The following SLC10A3 variants were observed in gnomAD, a reference collection of about 807,000 sequenced individuals.
SLC10A3 encodes the protein P3 protein.
In SLC10A3, 1 loss-of-function variant was observed where a neutral mutation model predicts 1.9. The observed-to-expected ratio is 0.52, with a 90% CI of 0.19 to 2.48. The LOEUF is 2.48. SLC10A3 is among the 30% of genes most tolerant of loss of function. The probability of loss-of-function intolerance (pLI) is 0.25; values close to 1 mark genes in which losing one functional copy is unlikely to be tolerated. For missense variants in SLC10A3, 317 were observed against 398.5 expected, an observed-to-expected ratio of 0.80 and a Z score of 1.74; for synonymous variants, 202 against 189.3, an observed-to-expected ratio of 1.07 and a Z score of -0.55.
At position 154,489,781 on chromosome X, in the gene SLC10A3, C is replaced by G. The variant is rs1254974713; in HGVS notation, c.-143+526G>C. ...CTAGAAGAGGACTGCCTCTATAGATCCTATCCGTCTTTGGCATTGGCCTCC... is the reference window on the plus strand; with the variant it reads ...CTAGAAGAGGACTGCCTCTATAGATGCTATCCGTCTTTGGCATTGGCCTCC... On this transcript the variant is annotated intron_variant, in intron 1 of 1. Transcript: ENST00000651600. 6 of 752,426 alleles carry G rather than the reference C, an allele frequency of 8.0e-6. No homozygotes were observed. The East Asian group carries it at 7.6e-4, about 95-fold the overall frequency. 62.0% of individuals were successfully genotyped at this position (752,426 alleles called of 1,213,427 possible).
chrX:154,489,103 G>A, intron 1 of SLC10A3, 21 bp from the exon 2 acceptor site: 1 of 1,162,764 alleles, frequency 8.6e-7, no homozygotes, highest in Non-Finnish European at 1.1e-6. Flanking sequence ...AAGGGACACA[G>A]AGAGGCAGCT....
At chrX:154,489,291 G>A in intron 1 of SLC10A3, 1 of 754,640 alleles carries the variant, frequency 1.3e-6, no homozygotes, top group Non-Finnish European at 1.6e-6. Flanking sequence ...GATGGCCCTT[G>A]AGTGCCATTC....
Position 154,488,218 on chromosome X carries a change from A to G in SLC10A3, c.723T>C (p.Ala241=). The change falls in exon 2 of 2, where the codon GCT becomes GCC. Residue 241 remains alanine, a synonymous_variant. Transcript: ENST00000651600. ...GCATGAAGACCTTGGCCATGAGGAA[A>G]GCGTACAAGGGCATGACCAGAAACT... ...LGQFLVMPLY[A]FLMAKVFMLP... The G allele has an allele frequency of 8.3e-7, 1 of 1,211,544 alleles. No individual in the cohort carries two copies. The highest frequency in any genetic ancestry group is 2.3e-4 in the Middle Eastern group (1 of 4,356).
chrX:154,490,410 C>T lies in SLC10A3; in HGVS notation c.-246G>A. 3 of 728,738 alleles carry T rather than the reference C, an allele frequency of 4.1e-6. No individual in the cohort carries two copies. Among genetic ancestry groups the T allele is most frequent in the Non-Finnish European group, 4.9e-6 (3 of 615,917 alleles). 60.1% of individuals were successfully genotyped at this position (728,738 alleles called of 1,213,427 possible). ...CCGCCGTCCCACAGCCGGCGACCCG[C>T]TCGGGCCGTCTCGGAGTCTGGGGGG... is the stretch of plus-strand genomic sequence containing the variant. On this transcript the variant is annotated 5_prime_UTR_variant, in exon 1 of 2. Transcript: ENST00000651600.
Position 154,488,441 on chromosome X carries a change from C to T in SLC10A3, c.500G>A (p.Cys167Tyr). 1 of 1,210,562 alleles carries T rather than the reference C, an allele frequency of 8.3e-7. No individual in the cohort carries two copies. The highest frequency in any genetic ancestry group is 1.1e-6 in the Non-Finnish European group (1 of 894,683). The stretch of plus-strand genomic sequence containing the variant: ...GTCTTCAGCAGGTGAGACCTTGATG[C>T]AGAAGTCTCTCCGCTCCTCAATCAG... The part of the protein sequence containing the change: ...PTLIEERRDF[C>Y]IKVSPAEDTP... The change falls in exon 2 of 2, where the codon TGC becomes TAC. Residue 167 changes from cysteine (C) to tyrosine (Y), a missense_variant. Coordinates refer to ENST00000651600, the MANE Select transcript of SLC10A3 (RefSeq NM_019848.5).
Position 154,488,641 on chromosome X carries a change from C to T in SLC10A3, c.300G>A (p.Ala100=), listed in dbSNP as rs369588762. 27 of 1,210,052 alleles carry T rather than the reference C, an allele frequency of 2.2e-5. No individual in the cohort carries two copies. Among genetic ancestry groups the T allele is most frequent in the East Asian group, 3.0e-5 (1 of 33,763 alleles). ...SQYPGQANRT[A]PGPMLRVTSL... Reference sequence around the variant, plus strand: ...AGGTGACCCTGAGCATGGGGCCAGGCGCCGTCCTGTTGGCCTGGCCTGGGT... The same window carrying T: ...AGGTGACCCTGAGCATGGGGCCAGGTGCCGTCCTGTTGGCCTGGCCTGGGT... The change falls in exon 2 of 2, where the codon GCG becomes GCA. Residue 100 remains alanine (A), a synonymous_variant. Coordinates refer to ENST00000651600, the MANE Select transcript of SLC10A3 (RefSeq NM_019848.5).
rs1396718365 is a variant in SLC10A3, at chrX:154,488,458, C to T, written c.483G>A (p.Glu161=). The part of the protein sequence containing the change: ...DAHEAPPTLI[E]ERRDFCIKVS... ...CCTTGATGCAGAAGTCTCTCCGCTC[C>T]TCAATCAGTGTGGGCGGGGCCTCAT... The change falls in exon 2 of 2, where the codon GAG becomes GAA. Residue 161 remains glutamate, a synonymous_variant. Transcript: ENST00000651600. 2.5e-6 allele frequency: 3 copies of T among 1,208,791 alleles called. No individual in the cohort carries two copies. The highest frequency in any genetic ancestry group is 4.4e-5 in the Admixed American group (2 of 45,846).
rs1336951641 is a variant in SLC10A3, at chrX:154,488,050, G to A, written c.891C>T (p.Gly297=). 5 of 1,209,475 alleles carry A rather than the reference G, an allele frequency of 4.1e-6. No individual in the cohort carries two copies. The highest frequency in any genetic ancestry group is 5.6e-6 in the Non-Finnish European group (5 of 894,920). ...AGATGGCCGAAGACAGAGGCAAGAA[G>A]CCAGTGGCAGCCACCGTAGAGAGGA... The part of the protein sequence containing the change: ...MTFLSTVAAT[G]FLPLSSAIYS... Residue 297 remains glycine (G), a synonymous_variant, in exon 2 of 2, where the codon GGC becomes GGT. Transcript: ENST00000651600.
chrX:154,489,583 T>C (rs1557214206), intron 1 of SLC10A3: 2 of 752,756 alleles, frequency 2.7e-6, no homozygotes, highest in African/African-American at 4.6e-5. Context: ...AGCCTCAAAC[T>C]CAGTGGAATT....
chrX:154,487,998 T>G lies in SLC10A3; in HGVS notation c.943A>C (p.Thr315Pro). The change falls in exon 2 of 2, where the codon ACG becomes CCG. Residue 315 changes from threonine to proline, a missense_variant. By Grantham distance (38) the Thr-to-Pro change is conservative (BLOSUM62 -1). Transcript: ENST00000651600. ...IYSRLLSIHE[T>P]LHVPISKILG... ...ATCTTGGAGATGGGCACGTGGAGCGTCTCATGGATGCTGAGCAGGCGGCTG... is the reference window on the plus strand; with the variant it reads ...ATCTTGGAGATGGGCACGTGGAGCGGCTCATGGATGCTGAGCAGGCGGCTG... 3.3e-6 allele frequency: 4 copies of G among 1,210,704 alleles called. No homozygotes were observed. The highest frequency in any genetic ancestry group is 4.5e-6 in the Non-Finnish European group (4 of 895,288).
Position 154,490,447 on chromosome X carries a change from C to T in SLC10A3, c.-283G>A, listed in dbSNP as rs1388792240. 2 of 631,172 alleles carry T rather than the reference C, an allele frequency of 3.2e-6. No homozygotes were observed. The highest frequency in any genetic ancestry group is 4.9e-5 in the African/African-American group (2 of 40,989). 52.0% of individuals were successfully genotyped at this position (631,172 alleles called of 1,213,427 possible). A position where few individuals can be genotyped will look rare whatever the true frequency, so the allele number is the denominator to read the frequency against. ...CGGAGTCTGGGGGGGCCCCTTACGC[C>T]ATTCCTGGGCCCCGCGGCCCCGCCA... On this transcript the variant is annotated 5_prime_UTR_variant, in exon 1 of 2. The change abolishes an upstream ATG in the 5' untranslated region. Coordinates refer to ENST00000651600, the MANE Select transcript of SLC10A3 (RefSeq NM_019848.5).
rs112918885 is a variant in SLC10A3, at chrX:154,490,451, C to G, written c.-287G>C. 3.2e-6 allele frequency: 2 copies of G among 627,193 alleles called. No homozygotes were observed. The highest frequency in any genetic ancestry group is 4.9e-5 in the African/African-American group (2 of 40,880). 51.7% of individuals were successfully genotyped at this position (627,193 alleles called of 1,213,427 possible). On this transcript the variant is annotated 5_prime_UTR_variant, in exon 1 of 2. Coordinates refer to ENST00000651600, the MANE Select transcript of SLC10A3 (RefSeq NM_019848.5). ...GTCTGGGGGGGCCCCTTACGCCATT[C>G]CTGGGCCCCGCGGCCCCGCCAGGCC...
chrX:154,489,137 G>C lies in SLC10A3; in HGVS notation c.-142-55C>G. The C allele has an allele frequency of 3.4e-6, 4 of 1,160,973 alleles. No homozygotes were observed. The South Asian group carries it at 7.7e-5, about 22-fold the overall frequency. Reference sequence around the variant, plus strand: ...CTGGTGAGGGTCACTTACCCTGGAGGCCTTGGTCCAGCCATGTGTCTTACC... The same window carrying C: ...CTGGTGAGGGTCACTTACCCTGGAGCCCTTGGTCCAGCCATGTGTCTTACC... On this transcript the variant is annotated intron_variant, in intron 1 of 1. Transcript: ENST00000651600.
rs782479882 is a variant in SLC10A3, at chrX:154,488,474, G to A, written c.467C>T (p.Pro156Leu). 24 of 1,208,360 alleles carry A rather than the reference G, an allele frequency of 2.0e-5. No homozygotes were observed. The highest frequency in any genetic ancestry group is 8.7e-5 in the African/African-American group (5 of 57,169). Reference sequence around the variant, plus strand: ...TCTCCGCTCCTCAATCAGTGTGGGCGGGGCCTCATGGGCGTCCACGAGCTG... The same window carrying A: ...TCTCCGCTCCTCAATCAGTGTGGGCAGGGCCTCATGGGCGTCCACGAGCTG... ...HIQLVDAHEA[P>L]PTLIEERRDF... The change falls in exon 2 of 2, where the codon CCG becomes CTG. Residue 156 changes from proline to leucine, a missense_variant. Physicochemically the swap from Pro to Leu is moderately conservative, Grantham distance 98. Transcript: ENST00000651600.
At position 154,488,745 on chromosome X, in the gene SLC10A3, A is replaced by G; in HGVS notation, c.196T>C (p.Leu66=). The G allele has an allele frequency of 8.3e-7, 1 of 1,211,832 alleles. No individual in the cohort carries two copies. Among genetic ancestry groups the G allele is most frequent in the African/African-American group, 1.7e-5 (1 of 57,891 alleles). The change falls in exon 2 of 2, where the codon TTG becomes CTG. Residue 66 remains leucine, a synonymous_variant. Coordinates refer to ENST00000651600, the MANE Select transcript of SLC10A3 (RefSeq NM_019848.5). ...HTVPPTGGRY[L]SIGDGSVMEF... is the part of the protein sequence containing the mutation. ...ATCACAGAGCCATCTCCAATGCTCA[A>G]GTAGCGGCCCCCAGTCGGTGGCACG...
Position 154,488,324 on chromosome X carries a change from G to A in SLC10A3, c.617C>T (p.Ser206Leu), listed in dbSNP as rs1557213698. 1 of 1,211,506 alleles carries A rather than the reference G, an allele frequency of 8.3e-7. No homozygotes were observed. The highest frequency in any genetic ancestry group is 2.3e-4 in the Middle Eastern group (1 of 4,355). Residue 206 changes from serine (S) to leucine (L), a missense_variant, in exon 2 of 2, where the codon TCG becomes TTG. Transcript: ENST00000651600. ...CTCGAGTTCCACTTTGCACCCAAAC[G>A]AACACTTGTTGACAAAGATAAGAGG... Reference protein sequence around the residue: ...LLPLIFVNKCSFGCKVELEVL... With the variant: ...LLPLIFVNKCLFGCKVELEVL...
intron 1 of SLC10A3, 176 bp from the exon 2 acceptor site, chrX:154,489,258 G>A: frequency 1.3e-6 from 1 of 754,650 alleles, no homozygotes; most frequent in African/African-American, 2.3e-5. Flanking sequence ...CCCACACTCA[G>A]GAATGGAGAG....
chrX:154,490,198 G>A (rs2069365675), intron 1 of SLC10A3, 109 bp downstream of exon 1: 4 of 907,017 alleles, frequency 4.4e-6, no homozygotes, highest in Admixed American at 6.3e-5. Context: ...TTGAGGGGCC[G>A]ACAGAGTTTG....
At chrX:154,489,308 G>T in intron 1 of SLC10A3, 1 of 754,530 alleles carries the variant, frequency 1.3e-6, no homozygotes, top group Non-Finnish European at 1.6e-6. Flanking sequence ...ATTCAGCTGT[G>T]GCTCCCTGGC....
Sources: gnomAD v4.1 joint callset for allele counts on GRCh38, gnomAD v4.1.1 for gene constraint, MANE v1.5 for transcripts, NCBI Gene and HGNC (gene_info 2026-07-23, HGNC 2026-07-21) for gene names.